Variants in CAST observed in about 807,000 individuals in gnomAD.
The protein encoded by CAST is calpastatin.
A neutral mutation model predicts 119.6 loss-of-function variants in CAST; 76 were observed. That is an observed-to-expected ratio of 0.64 (90% CI 0.53 to 0.77). The LOEUF is 0.77. Ranked by LOEUF, CAST falls within the 30% of genes least tolerant of loss-of-function variation. CAST has a pLI of 0.00. For missense variants in CAST, 953 were observed against 946.5 expected (o/e 1.01, Z -0.09); for synonymous variants, 319 against 331.6 (o/e 0.96, Z 0.41).
At chr5:96,736,135 G>C (rs761395544) in intron 9 of CAST, 37 bp from the exon 10 acceptor site, 1 of 1,274,968 alleles carries the variant, frequency 7.8e-7, no homozygotes, top group Non-Finnish European at 1.1e-6. Context: ...TTTTATTAAG[G>C]TATGTGAGGA....
At chr5:96,324,995 A>G in the CAST span, among the ~76,000 whole-genome samples, 4 of 152,188 alleles carry the variant, frequency 2.6e-5, no homozygotes, top group Admixed American at 2.6e-4. Context: ...ACTTGAGCTC[A>G]GGAGTTCAAG....
intron 1 of CAST, among the ~76,000 whole-genome samples, chr5:96,610,251 G>A (rs1747334090): frequency 6.6e-6 from 1 of 152,088 alleles, no homozygotes; most frequent in Admixed American, 6.5e-5. Context: ...TGAACTGTGA[G>A]CCATCAAGCT....
chr5:96,369,997 T>C, the CAST span, among the ~76,000 whole-genome samples: 4 of 152,206 alleles, frequency 2.6e-5, no homozygotes, highest in Admixed American at 2.6e-4. Context: ...TAATATGAAA[T>C]TTCTGCTATT....
chr5:96,386,244 G>A, the CAST span, among the ~76,000 whole-genome samples: 1 of 152,130 alleles, frequency 6.6e-6, no homozygotes, highest in Admixed American at 6.5e-5. Context: ...TTACCAATTG[G>A]ATGTGAGACA....
At chr5:96,573,018 C>T (rs767850525) in intron 1 of CAST, among the ~76,000 whole-genome samples, 6 of 152,150 alleles carry the variant, frequency 3.9e-5, no homozygotes, top group Non-Finnish European at 8.8e-5. Context: ...AGAAGTTACT[C>T]GATGACTAAT....
intron 1 of CAST, among the ~76,000 whole-genome samples, chr5:96,607,160 C>A (rs953284120): frequency 2.0e-5 from 3 of 152,030 alleles, no homozygotes; most frequent in Admixed American, 6.5e-5. Flanking sequence ...TGGTGGTGGG[C>A]GCCTGTAGTC....
At position 96,745,104 on chromosome 5, in the gene CAST, G is replaced by A. The variant is rs148825554; in HGVS notation, c.1201-1238G>A. Among the ~76,000 whole-genome samples, 592 of 152,292 alleles carry A rather than the reference G, an allele frequency of 3.9e-3. 6 individuals carry two copies. The highest frequency in any genetic ancestry group is 0.013 in the African/African-American group (558 of 41,548). ...CAGCCTGAGATTAGTGGGGAGGACC[G>A]TCTTAATACAGGTGACCCTGGATGT... is the stretch of plus-strand genomic sequence containing the variant. On this transcript the variant is annotated intron_variant, in intron 16 of 31. Transcript: ENST00000675179.
intron 1 of CAST, among the ~76,000 whole-genome samples, chr5:96,588,924 A>C (rs1746912450): frequency 6.6e-6 from 1 of 152,238 alleles, no homozygotes; most frequent in African/African-American, 2.4e-5. Context: ...GGAATTCTGC[A>C]GTTAACATTC....
At chr5:96,078,107 A>G in the CAST span, among the ~76,000 whole-genome samples, 1 of 152,194 alleles carries the variant, frequency 6.6e-6, no homozygotes, top group Admixed American at 6.5e-5. Flanking sequence ...TGGCAGAGGG[A>G]GAGAGAGCAC....
the CAST span, among the ~76,000 whole-genome samples, chr5:96,119,639 A>G: frequency 1.3e-5 from 2 of 152,212 alleles, no homozygotes; most frequent in Admixed American, 1.3e-4. Context: ...ATCTAAAGAA[A>G]GTGAAAAGAA....
chr5:96,625,627 T>C (rs1025258514), intron 1 of CAST, among the ~76,000 whole-genome samples: 1 of 152,260 alleles, frequency 6.6e-6, no homozygotes. Context: ...GTTGCTATTG[T>C]ATGCAAAATG....
the CAST span, among the ~76,000 whole-genome samples, chr5:96,126,147 T>G: frequency 6.6e-6 from 1 of 152,188 alleles, no homozygotes; most frequent in Non-Finnish European, 1.5e-5. Flanking sequence ...TTTTGCTCCA[T>G]GAAGGAAAGG....
chr5:96,139,206 T>C, the CAST span, among the ~76,000 whole-genome samples: 1 of 152,006 alleles, frequency 6.6e-6, no homozygotes, highest in Non-Finnish European at 1.5e-5. Flanking sequence ...TTTATGCTTA[T>C]TTAGTTTAAT....
At chr5:96,294,132 A>G in the CAST span, among the ~76,000 whole-genome samples, 2 of 152,200 alleles carry the variant, frequency 1.3e-5, no homozygotes, top group African/African-American at 4.8e-5. Flanking sequence ...TTTTGACTCA[A>G]TGTATTGCTA....
the CAST span, among the ~76,000 whole-genome samples, chr5:96,362,356 G>A: frequency 6.6e-6 from 1 of 152,154 alleles, no homozygotes; most frequent in Non-Finnish European, 1.5e-5. Context: ...CCCAGTAATG[G>A]GATGGCTGGG....
chr5:96,016,726 CTCT>C, the CAST span, among the ~76,000 whole-genome samples: 19 of 151,964 alleles, frequency 1.3e-4, no homozygotes, highest in Non-Finnish European at 1.0e-4. Context: ...TTGCTGTCCC[CTCT>C]CTTATCAATT....
At chr5:96,623,355 T>C (rs978266246) in intron 1 of CAST, among the ~76,000 whole-genome samples, 27 of 152,306 alleles carry the variant, frequency 1.8e-4, no homozygotes, top group African/African-American at 6.3e-4. Flanking sequence ...GGCATGAGCA[T>C]GGAGCCCTTG....
intron 1 of CAST, among the ~76,000 whole-genome samples, chr5:96,621,054 C>T (rs1747594637): frequency 6.6e-6 from 1 of 152,224 alleles, no homozygotes; most frequent in Non-Finnish European, 1.5e-5. Flanking sequence ...CTCCTTCAAC[C>T]TCCTCACAGA....
the CAST span, among the ~76,000 whole-genome samples, chr5:96,309,591 G>A: frequency 7.2e-5 from 11 of 152,196 alleles, no homozygotes; most frequent in East Asian, 7.7e-4. Context: ...CATAGGCACC[G>A]TAGGGAATCT....
Sources: allele counts gnomAD v4.1 joint callset (sites outside exome capture counted in the v4.1 genomes callset), GRCh38; gene constraint gnomAD v4.1.1; transcripts MANE v1.5; gene names NCBI Gene and HGNC (gene_info 2026-07-23, HGNC 2026-07-21).